Variants in VPS33B observed in about 807,000 individuals in gnomAD.
VPS33B encodes VPS33B late endosome and lysosome associated, also known as vacuolar protein sorting-associated protein 33B.
VPS33B carries 80 observed loss-of-function variants against 95.3 expected under a neutral mutation model. The observed-to-expected ratio is 0.84, with a 90% CI of 0.70 to 1.01. The LOEUF (loss-of-function observed/expected upper bound fraction) is 1.01, where lower values mean the gene tolerates loss of function less well. Ranked by LOEUF, VPS33B falls within the 50% of genes least tolerant of loss-of-function variation. The pLI is 0.00. For missense variants in VPS33B, 715 were observed against 773.4 expected (o/e 0.92, Z 0.90); for synonymous variants, 280 against 280.4 (o/e 1.00, Z 0.01).
rs984526857 is a variant in VPS33B, at chr15:91,013,141, A to T, written c.357+663T>A. On this transcript the variant is annotated intron_variant, in intron 5 of 22. Coordinates refer to ENST00000333371, the MANE Select transcript of VPS33B (RefSeq NM_018668.5). This position sits in a 1 kb window ranked among gnomAD's most constrained non-coding sequence, Gnocchi z 4.5. ...CCATTACTATACTAGAGTTTGTGTT[A>T]GGGATACAGAGCAGGTTCTACCTCG... 4.6e-5 allele frequency among the ~76,000 whole-genome samples: 7 copies of T among 152,222 alleles called. No individual in the cohort carries two copies. The highest frequency in any genetic ancestry group is 1.7e-4 in the African/African-American group (7 of 41,460).
At chr15:91,001,731 G>A (rs964881002) in intron 18 of VPS33B, among the ~76,000 whole-genome samples, 2 of 152,108 alleles carry the variant, frequency 1.3e-5, no homozygotes, top group Admixed American at 6.5e-5. Flanking sequence ...GAGTTAAACC[G>A]ACCTAACTTA....
In VPS33B at chr15:91,017,077, A is replaced by G. The variant is rs190561885; in HGVS notation, c.178-53T>C. 560 of 1,558,424 alleles carry G rather than the reference A, an allele frequency of 3.6e-4. No individual in the cohort carries two copies. In the African/African-American group the frequency reaches 6.8e-3, roughly 19 times the overall value. On this transcript the variant is annotated intron_variant, in intron 2 of 22. Transcript: ENST00000333371. ...GACATAAGAGTGCCTGAAAAGCACA[A>G]AGTGTGACACGAAGATAGGGGACTT...
At chr15:91,012,965 A>C (rs922607064) in intron 5 of VPS33B, among the ~76,000 whole-genome samples, 4 of 152,208 alleles carry the variant, frequency 2.6e-5, no homozygotes, top group African/African-American at 4.8e-5. Context: ...AGGCTTTTCC[A>C]ATATATGGTG....
In VPS33B at chr15:91,007,490, A is replaced by C. The variant is rs1214849944; in HGVS notation, c.582T>G (p.Tyr194Ter). ...TTACCTTGGCGCACCTGCCAATTCC[A>C]TAGCAGTTTGGAAAGGGTCCATAGA... Reference protein sequence around the residue: ...STLYGPFPNCYGIGRCAKMAY... With the variant: ...STLYGPFPNC The change falls in exon 8 of 23, where the codon TAT becomes TAG. Residue 194 changes from tyrosine (Y) to a stop codon, truncating the protein, a stop_gained. Transcript: ENST00000333371. LOFTEE classifies it high-confidence loss of function. The surrounding 1 kb of genome is among the most constrained non-coding windows in gnomAD (Gnocchi z 5.3). The C allele has an allele frequency of 1.2e-6, 2 of 1,614,218 alleles. No individual in the cohort carries two copies. The highest frequency in any genetic ancestry group is 1.7e-6 in the Non-Finnish European group (2 of 1,180,036).
Position 91,006,765 on chromosome 15 carries a change from T to G in VPS33B, c.701-36A>C. The G allele has an allele frequency of 1.9e-6, 3 of 1,613,024 alleles. No homozygotes were observed. Among genetic ancestry groups the G allele is most frequent in the Non-Finnish European group, 1.7e-6 (2 of 1,178,980 alleles). ...GATCCCTGACCATGAAGGTTCTCCC[T>G]GACCCAGCCTTCTACACAGCATGTC... On this transcript the variant is annotated intron_variant, in intron 9 of 22. Coordinates refer to ENST00000333371, the MANE Select transcript of VPS33B (RefSeq NM_018668.5). This position sits in a 1 kb window ranked among gnomAD's most constrained non-coding sequence, Gnocchi z 5.4.
In VPS33B at chr15:91,000,190, G is replaced by A. The variant is rs1204570625; in HGVS notation, c.1582-215C>T. On this transcript the variant is annotated intron_variant, in intron 20 of 22. Transcript: ENST00000333371. The surrounding 1 kb of genome is among the most constrained non-coding windows in gnomAD (Gnocchi z 4.9). ...AGGTCAGGAGTTCGAGACCAGCCTG[G>A]TCAACATATAGTTGGCCCTGTCTAT... Among the ~76,000 whole-genome samples the A allele has an allele frequency of 1.3e-5, 2 of 152,114 alleles. No individual in the cohort carries two copies. Among genetic ancestry groups the A allele is most frequent in the African/African-American group, 4.8e-5 (2 of 41,416 alleles).
rs1317880497 is a variant in VPS33B, at chr15:91,007,386, C to T, written c.603+83G>A. ...AAAGTAAAGAATACACCTCATATCA[C>T]AGGTGCCCTTGGATAACCCCAGGAG... On this transcript the variant is annotated intron_variant, in intron 8 of 22. Transcript: ENST00000333371. The surrounding 1 kb of genome is among the most constrained non-coding windows in gnomAD (Gnocchi z 5.3). 3 of 1,279,084 alleles carry T rather than the reference C, an allele frequency of 2.3e-6. No individual in the cohort carries two copies. The highest frequency in any genetic ancestry group is 1.5e-5 in the African/African-American group (1 of 68,170). 79.2% of individuals were successfully genotyped at this position (1,279,084 alleles called of 1,614,324 possible).
At chr15:91,008,013 A>C in intron 6 of VPS33B, 49 bp from the exon 7 acceptor site, 11 of 1,572,972 alleles carry the variant, frequency 7.0e-6, no homozygotes, top group Non-Finnish European at 9.6e-6. Context: ...ACTTAGCTCC[A>C]CGTTAAGAGG....
At chr15:91,017,116 T>C (rs554931084) in intron 2 of VPS33B, 92 bp from the exon 3 acceptor site, 3 of 1,113,990 alleles carry the variant, frequency 2.7e-6, no homozygotes, top group Non-Finnish European at 4.1e-6. Flanking sequence ...GAGGGCTTCC[T>C]AATTATGCTA....
rs1419750839 is a variant in VPS33B, at chr15:91,000,651, G to T, written c.1480-60C>A. ...AGCTCAGCTCCCTAACCCTTTAAAG[G>T]GTCAGATAAAGTGGCATGGCCCAAG... On this transcript the variant is annotated intron_variant, in intron 19 of 22. Coordinates refer to ENST00000333371, the MANE Select transcript of VPS33B (RefSeq NM_018668.5). The surrounding 1 kb of genome is among the most constrained non-coding windows in gnomAD (Gnocchi z 4.9). 2 of 1,496,170 alleles carry T rather than the reference G, an allele frequency of 1.3e-6. No individual in the cohort carries two copies. Among genetic ancestry groups the T allele is most frequent in the Non-Finnish European group, 1.8e-6 (2 of 1,082,954 alleles). The allele number at this position is 1,496,170 out of a possible 1,614,324, so 92.7% of individuals were successfully genotyped here.
chr15:91,004,313 T>C (rs2040534594), intron 16 of VPS33B, among the ~76,000 whole-genome samples: 1 of 151,776 alleles, frequency 6.6e-6, no homozygotes, highest in Admixed American at 6.6e-5. Context: ...CAAGTTGCCA[T>C]GAAGGTTGCA....
Position 91,005,786 on chromosome 15 carries a change from T to C in VPS33B, c.940-2A>G, listed in dbSNP as rs774529051. ...CTTAATGTCCATGCCTCTCCGGCGC[T>C]GTGGGAAAATTCCCAAAGGTGAACC... On this transcript the variant is annotated splice_acceptor_variant, in intron 12 of 22. Transcript: ENST00000333371. LOFTEE classifies it high-confidence loss of function. This position sits in a 1 kb window ranked among gnomAD's most constrained non-coding sequence, Gnocchi z 6.4. 5 of 1,614,078 alleles carry C rather than the reference T, an allele frequency of 3.1e-6. No individual in the cohort carries two copies. Among genetic ancestry groups the C allele is most frequent in the African/African-American group, 2.7e-5 (2 of 74,912 alleles).
In VPS33B at chr15:91,007,616, T is replaced by C. The variant is rs185470792; in HGVS notation, c.499-43A>G. 23 of 1,598,152 alleles carry C rather than the reference T, an allele frequency of 1.4e-5. No individual in the cohort carries two copies. Among genetic ancestry groups the C allele is most frequent in the Admixed American group, 6.7e-5 (4 of 59,984 alleles). On this transcript the variant is annotated intron_variant, in intron 7 of 22. Coordinates refer to ENST00000333371, the MANE Select transcript of VPS33B (RefSeq NM_018668.5). The surrounding 1 kb of genome is among the most constrained non-coding windows in gnomAD (Gnocchi z 5.3). Reference sequence around the variant, plus strand: ...GCCACAAAGATATGAATCAACCCAGTAGGACCACCTGGAAAGTGGCTAGCC... The same window carrying C: ...GCCACAAAGATATGAATCAACCCAGCAGGACCACCTGGAAAGTGGCTAGCC...
chr15:91,020,835 C>A (rs181578348), intron 1 of VPS33B, among the ~76,000 whole-genome samples: 1 of 152,100 alleles, frequency 6.6e-6, no homozygotes, highest in Non-Finnish European at 1.5e-5. Flanking sequence ...TAGCCAAGAT[C>A]GCGCCACTGC....
intron 2 of VPS33B, among the ~76,000 whole-genome samples, chr15:91,017,369 T>A (rs8024602): frequency 0.32 from 2,025 of 6,244 alleles, 388 homozygotes; most frequent in East Asian, 0.73. Flanking sequence ...CAAAATTAAA[T>A]ATATATATAT....
At chr15:91,004,768 A>T (rs755865353) in intron 16 of VPS33B, 109 bp downstream of exon 16, 7 of 1,279,224 alleles carry the variant, frequency 5.5e-6, no homozygotes, top group Non-Finnish European at 7.9e-6. Context: ...ATTACAGGGA[A>T]ACATTCTGTT....
intron 1 of VPS33B, among the ~76,000 whole-genome samples, chr15:91,021,865 G>A (rs972317658): frequency 2.0e-5 from 3 of 152,210 alleles, no homozygotes; most frequent in African/African-American, 7.2e-5. Context: ...GGAGTGGTAA[G>A]ATCCCTAATG....
Position 90,999,732 on chromosome 15 carries a change from C to T in VPS33B, c.1719G>A (p.Leu573=). Residue 573 remains leucine, a synonymous_variant, in exon 22 of 23, where the codon TTG becomes TTA. Transcript: ENST00000333371. The surrounding 1 kb of genome is among the most constrained non-coding windows in gnomAD (Gnocchi z 5.1). The part of the protein sequence containing the change: ...ESLRLILVVF[L]GGCTFSEISA... ...AGATCTCAGAGAATGTACAACCACC[C>T]AAGAACACCACCAAGATGAGGCGCA... 6.2e-7 allele frequency: 1 copy of T among 1,614,192 alleles called. No homozygotes were observed. The highest frequency in any genetic ancestry group is 8.5e-7 in the Non-Finnish European group (1 of 1,180,026).
rs2040405519 is a variant in VPS33B, at chr15:91,000,475, A to G, written c.1581+15T>C. On this transcript the variant is annotated intron_variant, in intron 20 of 22. Coordinates refer to ENST00000333371, the MANE Select transcript of VPS33B (RefSeq NM_018668.5). The surrounding 1 kb of genome is among the most constrained non-coding windows in gnomAD (Gnocchi z 4.9). ...GAATGAAATATGAATGGGAGCAAGA[A>G]TTACATGCTCTCACCTGCTCAATGA... 2 of 1,609,232 alleles carry G rather than the reference A, an allele frequency of 1.2e-6. No homozygotes were observed. The highest frequency in any genetic ancestry group is 1.7e-6 in the Non-Finnish European group (2 of 1,176,392).
Sources: gnomAD v4.1 joint callset for allele counts (sites outside exome capture counted in the v4.1 genomes callset) on GRCh38, gnomAD v4.1.1 for gene constraint, Gnocchi (gnomAD v3.1) non-coding constraint, MANE v1.5 for transcripts, NCBI Gene and HGNC (gene_info 2026-07-23, HGNC 2026-07-21) for gene names.